Variants in DOCK3 observed in about 807,000 individuals in gnomAD.
DOCK3 encodes the protein dedicator of cytokinesis protein 3.
DOCK3 carries 60 observed loss-of-function variants against 265.6 expected under a neutral mutation model. That is an observed-to-expected ratio of 0.23 (90% CI 0.18 to 0.28). DOCK3 has a LOEUF of 0.28. DOCK3 is among the 10% of genes least tolerant of loss of function. The probability of loss-of-function intolerance (pLI) is 1.00; values close to 1 mark genes in which losing one functional copy is unlikely to be tolerated. For synonymous variants in DOCK3, 881 were observed against 938.0 expected (o/e 0.94, Z 1.11); for missense variants, 1,981 against 2,594.3 (o/e 0.76, Z 5.14).
At chr3:51,328,590 T>C (rs2084307654) in intron 32 of DOCK3, among the ~76,000 whole-genome samples, 1 of 149,740 alleles carries the variant, frequency 6.7e-6, no homozygotes, top group Non-Finnish European at 1.5e-5. Context: ...CCTGGCCATG[T>C]AGCAGACCAC....
intron 32 of DOCK3, among the ~76,000 whole-genome samples, chr3:51,321,721 GAA>G (rs2083741832): frequency 6.6e-6 from 1 of 152,004 alleles, no homozygotes. Context: ...GCGGAAGAAA[GAA>G]TATCAGAGAT....
At chr3:51,330,336 G>A in intron 33 of DOCK3, 113 bp downstream of exon 33, 2 of 948,200 alleles carry the variant, frequency 2.1e-6, no homozygotes, top group Non-Finnish European at 3.1e-6. Flanking sequence ...CATCAAGAGG[G>A]ACCTGGGTTG....
Position 51,110,829 on chromosome 3 carries a change from A to C in DOCK3, c.746+20445A>C, listed in dbSNP as rs542651804. On this transcript the variant is annotated intron_variant, in intron 9 of 52. Coordinates refer to ENST00000266037, the MANE Select transcript of DOCK3 (RefSeq NM_004947.5). ...TGAACAGATTGTTGGAAACCTGACC[A>C]GAGCAATTAGGGAGAACAAAGAATT... is the stretch of plus-strand genomic sequence containing the variant. 3.4e-5 allele frequency among the ~76,000 whole-genome samples: 5 copies of C among 148,724 alleles called. No homozygotes were observed. The East Asian group carries it at 7.7e-4, about 23-fold the overall frequency.
At chr3:51,101,463 T>C (rs943530685) in intron 9 of DOCK3, among the ~76,000 whole-genome samples, 18 of 152,150 alleles carry the variant, frequency 1.2e-4, no homozygotes, top group South Asian at 8.3e-4. Context: ...GTAGAGATCA[T>C]CAGGATGCTG....
chr3:50,956,818 G>A (rs1232366480), intron 5 of DOCK3, among the ~76,000 whole-genome samples: 1 of 152,134 alleles, frequency 6.6e-6, no homozygotes, highest in East Asian at 1.9e-4. Flanking sequence ...ACCATTAAGT[G>A]TAAAGATTTA....
At chr3:50,677,873 A>C (rs1352611694) in intron 1 of DOCK3, among the ~76,000 whole-genome samples, 1 of 152,180 alleles carries the variant, frequency 6.6e-6, no homozygotes, top group Non-Finnish European at 1.5e-5. Context: ...TGAGGTGATG[A>C]CTGAGCCCCC....
At chr3:51,127,001 C>A (rs910910941) in intron 9 of DOCK3, among the ~76,000 whole-genome samples, 1 of 152,006 alleles carries the variant, frequency 6.6e-6, no homozygotes, top group Non-Finnish European at 1.5e-5. Context: ...TTAACTCACA[C>A]GATCCCACAA....
At chr3:51,228,544 G>C in intron 17 of DOCK3, 117 bp from the exon 18 acceptor site, 1 of 1,143,476 alleles carries the variant, frequency 8.7e-7, no homozygotes. Context: ...GAGGACCTGA[G>C]GCCCAACGTT....
chr3:50,922,296 G>A (rs536825101), intron 4 of DOCK3, among the ~76,000 whole-genome samples: 84 of 152,220 alleles, frequency 5.5e-4, no homozygotes, highest in Non-Finnish European at 1.1e-3. Context: ...CTTGCAGTTT[G>A]ATCTCAGACT....
chr3:50,700,149 C>T (rs1411125078), intron 1 of DOCK3, among the ~76,000 whole-genome samples: 6 of 152,122 alleles, frequency 3.9e-5, no homozygotes, highest in South Asian at 2.1e-4. Flanking sequence ...TGTAGTGGTG[C>T]GTGCCTCTAA....
rs183708212 is a variant in DOCK3, at chr3:50,864,305, C to A, written c.162+22590C>A. On this transcript the variant is annotated intron_variant, in intron 3 of 52. Coordinates refer to ENST00000266037, the MANE Select transcript of DOCK3 (RefSeq NM_004947.5). ...TCCATTTTAAAATTGGATTTTTTTT[C>A]TTTTGCTATTGATTTGAGTTCTTCA... Among the ~76,000 whole-genome samples, 52 of 151,806 alleles carry A rather than the reference C, an allele frequency of 3.4e-4. 1 individual carries two copies. The highest frequency in any genetic ancestry group is 2.6e-3 in the Admixed American group (40 of 15,260).
At chr3:51,028,944 G>A (rs2079927161) in intron 5 of DOCK3, among the ~76,000 whole-genome samples, 1 of 152,154 alleles carries the variant, frequency 6.6e-6, no homozygotes. Context: ...CATTGCTAGA[G>A]AGCTAGTGTG....
intron 2 of DOCK3, among the ~76,000 whole-genome samples, chr3:50,790,043 A>G (rs2042385539): frequency 6.6e-6 from 1 of 152,132 alleles, no homozygotes; most frequent in South Asian, 2.1e-4. Context: ...TAGTCCTTTC[A>G]TCATTGTATA....
intron 3 of DOCK3, among the ~76,000 whole-genome samples, chr3:50,856,076 C>G (rs1206710896): frequency 2.0e-5 from 3 of 152,132 alleles, no homozygotes; most frequent in Non-Finnish European, 4.4e-5. Flanking sequence ...TTTTTAAAAT[C>G]TAGTCTGTCA....
chr3:50,890,203 A>T, intron 4 of DOCK3, 122 bp downstream of exon 4: 1 of 644,180 alleles, frequency 1.6e-6, no homozygotes, highest in East Asian at 3.5e-5. Context: ...AAAAATGTAC[A>T]TGCTTTATCA....
intron 5 of DOCK3, among the ~76,000 whole-genome samples, chr3:51,024,174 A>G (rs189970168): frequency 6.6e-6 from 1 of 152,186 alleles, no homozygotes; most frequent in African/African-American, 2.4e-5. Flanking sequence ...TCTTTGTGCA[A>G]TGGCTTTCCC....
At chr3:51,127,581 T>A (rs941139515) in intron 9 of DOCK3, among the ~76,000 whole-genome samples, 2 of 152,174 alleles carry the variant, frequency 1.3e-5, no homozygotes, top group Non-Finnish European at 2.9e-5. Context: ...AGAAAGGAAA[T>A]AAAATGAAGA....
At chr3:51,196,782 A>C (rs1270814451) in intron 12 of DOCK3, among the ~76,000 whole-genome samples, 1 of 152,182 alleles carries the variant, frequency 6.6e-6, no homozygotes, top group Non-Finnish European at 1.5e-5. Context: ...CATATCCTGA[A>C]TTGTTTTTCT....
chr3:51,125,403 CT>C (rs2084222658), intron 9 of DOCK3, among the ~76,000 whole-genome samples: 2 of 152,066 alleles, frequency 1.3e-5, no homozygotes, highest in African/African-American at 4.8e-5. Flanking sequence ...AATTTTCTAG[CT>C]CCTATTTATA....
Sources: allele counts gnomAD v4.1 joint callset (sites outside exome capture counted in the v4.1 genomes callset), GRCh38; gene constraint gnomAD v4.1.1; transcripts MANE v1.5; gene names NCBI Gene and HGNC (gene_info 2026-07-23, HGNC 2026-07-21).